Variants in RBFOX2 observed in about 807,000 individuals in gnomAD.
The protein encoded by RBFOX2 is RNA binding protein fox-1 homolog 2.
Under a neutral mutation model 49.1 loss-of-function variants are expected in RBFOX2, and 10 were observed. The ratio of observed to expected loss-of-function variants is 0.20; its 90% confidence interval spans 0.13 to 0.35. The LOEUF is 0.35. RBFOX2 is among the 10% of genes least tolerant of loss of function. The pLI is 1.00. For missense variants in RBFOX2, 323 were observed against 486.9 expected, an observed-to-expected ratio of 0.66 and a Z score of 3.17; for synonymous variants, 183 against 187.4, an observed-to-expected ratio of 0.98 and a Z score of 0.19.
intron 2 of RBFOX2, among the ~76,000 whole-genome samples, chr22:35,782,060 A>G (rs1945262974): frequency 6.6e-6 from 1 of 152,208 alleles, no homozygotes; most frequent in Non-Finnish European, 1.5e-5. Context: ...GGATCTGAAG[A>G]TACAAAAATA....
intron 1 of RBFOX2, among the ~76,000 whole-genome samples, chr22:35,832,859 G>A (rs1215142916): frequency 6.6e-6 from 1 of 152,084 alleles, no homozygotes; most frequent in Non-Finnish European, 1.5e-5. Flanking sequence ...CAAAGAAGAA[G>A]AAGAAGTTCT....
chr22:35,979,418 T>C (rs2057351456), intron 1 of RBFOX2, among the ~76,000 whole-genome samples: 1 of 152,230 alleles, frequency 6.6e-6, no homozygotes, highest in Non-Finnish European at 1.5e-5. Flanking sequence ...TGGAGATCTC[T>C]GCCAGTTATA....
chr22:35,982,086 C>G (rs958504352), intron 1 of RBFOX2, among the ~76,000 whole-genome samples: 12 of 152,204 alleles, frequency 7.9e-5, no homozygotes, highest in African/African-American at 2.9e-4. Flanking sequence ...CTGCCTCCCT[C>G]TCTCTCCATG....
chr22:35,909,516 G>A (rs1019632482), intron 1 of RBFOX2, among the ~76,000 whole-genome samples: 3 of 152,058 alleles, frequency 2.0e-5, no homozygotes, highest in Non-Finnish European at 2.9e-5. Flanking sequence ...TAAAAGTAAC[G>A]CTAGCAATAT....
At chr22:35,952,202 C>T (rs946944140) in intron 1 of RBFOX2, among the ~76,000 whole-genome samples, 2 of 152,172 alleles carry the variant, frequency 1.3e-5, no homozygotes, top group Non-Finnish European at 2.9e-5. Flanking sequence ...TCCTGTGACT[C>T]CACTTGGAAA....
intron 1 of RBFOX2, among the ~76,000 whole-genome samples, chr22:35,873,153 T>G (rs1162484263): frequency 1.3e-5 from 2 of 152,180 alleles, no homozygotes; most frequent in Non-Finnish European, 1.5e-5. Context: ...CTTTTTTCTT[T>G]TTTTTGAGAC....
At chr22:35,791,056 C>T (rs1433769390) in intron 2 of RBFOX2, among the ~76,000 whole-genome samples, 1 of 151,534 alleles carries the variant, frequency 6.6e-6, no homozygotes, top group African/African-American at 2.4e-5. Context: ...AGCAAGGAAA[C>T]AAGCAAGCTA....
At chr22:35,896,117 A>G (rs1177274034) in intron 1 of RBFOX2, among the ~76,000 whole-genome samples, 3 of 152,034 alleles carry the variant, frequency 2.0e-5, no homozygotes, top group African/African-American at 4.8e-5. Context: ...GCTGTGAGTG[A>G]GCTCTCCTTT....
chr22:36,028,117 GC>G lies in RBFOX2; in HGVS notation c.186+122del, dbSNP rs955570746. Reference sequence around the variant, plus strand: ...CCACCTTCCAACCAGGCCCCGAATGGCCCCCCATCCCACCTCCAACCCAGGA... The same window carrying G: ...CCACCTTCCAACCAGGCCCCGAATGGCCCCCATCCCACCTCCAACCCAGGA... On this transcript the variant is annotated intron_variant, in intron 1 of 13. Coordinates refer to the RBFOX2 transcript ENST00000438146. The G allele has an allele frequency of 1.9e-5, 25 of 1,295,304 alleles. 1 individual carries two copies. The highest frequency in any genetic ancestry group is 2.1e-5 in the Non-Finnish European group (21 of 1,017,304). 80.2% of individuals were successfully genotyped at this position (1,295,304 alleles called of 1,614,324 possible). A position where few individuals can be genotyped will look rare whatever the true frequency, so the allele number is the denominator to read the frequency against.
chr22:35,961,919 C>T (rs537665837), upstream of RBFOX2, among the ~76,000 whole-genome samples: 1 of 152,230 alleles, frequency 6.6e-6, no homozygotes, highest in South Asian at 2.1e-4. Flanking sequence ...CCTCTCTGGT[C>T]CCCAACCCAA....
intron 1 of RBFOX2, among the ~76,000 whole-genome samples, chr22:36,023,759 C>T (rs547249577): frequency 3.9e-4 from 59 of 152,230 alleles, no homozygotes; most frequent in African/African-American, 1.4e-3. Context: ...CTCTGGTTCA[C>T]GTTTCTCTAT....
chr22:35,953,043 C>CT (rs1666527282), intron 1 of RBFOX2, among the ~76,000 whole-genome samples: 2 of 151,706 alleles, frequency 1.3e-5, no homozygotes, highest in South Asian at 4.2e-4. Flanking sequence ...AATCCCATCT[C>CT]TACTAAAAAT....
At chr22:35,797,843 G>A (rs1949054017) in intron 2 of RBFOX2, among the ~76,000 whole-genome samples, 1 of 152,182 alleles carries the variant, frequency 6.6e-6, no homozygotes, top group South Asian at 2.1e-4. Context: ...GATTGTCCCT[G>A]CCTGCAATGT....
intron 1 of RBFOX2, among the ~76,000 whole-genome samples, chr22:35,981,132 T>A (rs1193508973): frequency 6.6e-6 from 1 of 152,212 alleles, no homozygotes; most frequent in Non-Finnish European, 1.5e-5. Flanking sequence ...GTAATTATTA[T>A]CTTCATTTTA....
chr22:35,840,530 C>A (rs1958561317), exon 1 of RBFOX2: 3 of 1,225,380 alleles, frequency 2.4e-6, no homozygotes, highest in Non-Finnish European at 3.1e-6. Flanking sequence ...CCTCCTCCCC[C>A]CACCCCCTCC....
chr22:35,986,806 C>T (rs959633163), intron 1 of RBFOX2, among the ~76,000 whole-genome samples: 1 of 152,138 alleles, frequency 6.6e-6, no homozygotes, highest in African/African-American at 2.4e-5. Context: ...TGACTGTGGA[C>T]TTATGGACTA....
At chr22:35,805,296 A>AG (rs555120887) in intron 2 of RBFOX2, among the ~76,000 whole-genome samples, 6,058 of 149,106 alleles carry the variant, frequency 0.041, 88 homozygotes, top group Admixed American at 0.065. Flanking sequence ...TCTCAAAAAA[A>AG]AAAAAAAAAA....
chr22:35,965,635 T>C (rs1408822734), upstream of RBFOX2, among the ~76,000 whole-genome samples: 4 of 152,184 alleles, frequency 2.6e-5, no homozygotes, highest in Non-Finnish European at 5.9e-5. Context: ...CAATGAAGCT[T>C]ATTCATCAAT....
chr22:35,744,073 T>C (rs1206356083), exon 12 of RBFOX2: 6 of 748,136 alleles, frequency 8.0e-6, no homozygotes, highest in Admixed American at 4.1e-5. Context: ...CTTTCTTTTT[T>C]TGTGTTTTTT....
Sources: gnomAD v4.1 joint callset for allele counts (sites outside exome capture counted in the v4.1 genomes callset) on GRCh38, gnomAD v4.1.1 for gene constraint, MANE v1.5 for transcripts, NCBI Gene and HGNC (gene_info 2026-07-23, HGNC 2026-07-21) for gene names.